Variants in C4orf51 observed in about 807,000 individuals in gnomAD.
C4orf51 encodes chromosome 4 open reading frame 51.
In C4orf51, 25 loss-of-function variants were observed where a neutral mutation model predicts 25.2. The ratio of observed to expected loss-of-function variants is 0.99; its 90% CI spans 0.72 to 1.39. The LOEUF is 1.39. C4orf51 is among the 40% of genes most tolerant of loss of function. C4orf51 has a pLI of 0.00. For missense variants in C4orf51, 252 were observed against 239.6 expected (o/e 1.05, Z -0.34); for synonymous variants, 100 against 84.5 (o/e 1.18, Z -1.01).
At chr4:145,703,317 C>G (rs1020861515) in intron 2 of C4orf51, among the ~76,000 whole-genome samples, 2 of 152,046 alleles carry the variant, frequency 1.3e-5, no homozygotes, top group Non-Finnish European at 1.5e-5. Context: ...CCACTCCTGC[C>G]CGCCAGAGAA....
At chr4:145,770,935 C>T (rs1736190505) in intron 1 of C4orf51, 1 of 152,192 alleles carries the variant, frequency 6.6e-6, no homozygotes, top group Non-Finnish European at 1.5e-5. Context: ...TGAGTACCAG[C>T]ATCATCCCAG....
intron 2 of C4orf51, among the ~76,000 whole-genome samples, chr4:145,707,652 G>A (rs558421454): frequency 6.6e-6 from 1 of 152,292 alleles, no homozygotes; most frequent in South Asian, 2.1e-4. Context: ...AAGAGGTGTT[G>A]GGTATTTAGA....
rs773646266 is a variant in C4orf51 at position 145,680,305 on chromosome 4, G to A, written c.102G>A (p.Trp34Ter). 3 of 1,613,944 alleles carry A rather than the reference G, an allele frequency of 1.9e-6. No homozygotes were observed. The Admixed American group carries it at 5.0e-5, about 27-fold the overall frequency. Reference sequence around the variant, plus strand: ...TCAGACGCAAGGCTGGAGCATCTTGGCAGGATGAAACACGATGGTCAGATT... The same window carrying A: ...TCAGACGCAAGGCTGGAGCATCTTGACAGGATGAAACACGATGGTCAGATT... ...DLIRRKAGASWQDETRWSDSS... is the reference protein window; with the variant it reads ...DLIRRKAGAS The change falls in exon 1 of 6, where the codon TGG becomes TGA. Residue 34 changes from tryptophan (W) to a stop codon, truncating the protein, a stop_gained. Transcript: ENST00000438731. LOFTEE classifies it high-confidence loss of function.
chr4:145,772,021 T>G (rs1471805060), downstream of C4orf51, among the ~76,000 whole-genome samples: 2 of 152,180 alleles, frequency 1.3e-5, no homozygotes, highest in African/African-American at 4.8e-5. Context: ...TATGGTACCA[T>G]AGGGTCTAGA....
intron 1 of C4orf51, among the ~76,000 whole-genome samples, chr4:145,744,636 A>G (rs1280619403): frequency 6.6e-6 from 1 of 152,122 alleles, no homozygotes; most frequent in Non-Finnish European, 1.5e-5. Flanking sequence ...CCTGGCTAAC[A>G]CGGTAAAACC....
At chr4:145,697,047 A>C (rs1295642742) in intron 2 of C4orf51, among the ~76,000 whole-genome samples, 1 of 149,936 alleles carries the variant, frequency 6.7e-6, no homozygotes, top group Non-Finnish European at 1.5e-5. Context: ...AAACAAAACA[A>C]AACCAACCAA....
intron 4 of C4orf51, among the ~76,000 whole-genome samples, 167 bp downstream of exon 4, chr4:145,729,396 C>G (rs144885937): frequency 1.4e-4 from 20 of 147,986 alleles, no homozygotes; most frequent in African/African-American, 3.7e-4. Flanking sequence ...CTGCCTCCCA[C>G]GTTCACGCCA....
downstream of C4orf51, among the ~76,000 whole-genome samples, chr4:145,771,455 T>C (rs1366146211): frequency 6.6e-6 from 1 of 152,246 alleles, no homozygotes. Context: ...GATAGTTGTA[T>C]TTTCCAAATA....
chr4:145,741,360 T>C lies in C4orf51; in HGVS notation n.167+8741T>C, dbSNP rs189839686. Among the ~76,000 whole-genome samples, 35 of 152,354 alleles carry C rather than the reference T, an allele frequency of 2.3e-4. 1 individual carries two copies. The East Asian group carries it at 6.0e-3, about 26-fold the overall frequency. ...GACCTTTTTTTATTTTAAAACTTTT[T>C]TGGACTCTTTGTATTTAGGAGACGA... On this transcript the variant is annotated intron_variant and non_coding_transcript_variant, in intron 1 of 1. Coordinates refer to the C4orf51 transcript ENST00000508981.
chr4:145,687,045 T>C (rs1474025400), intron 1 of C4orf51, among the ~76,000 whole-genome samples: 3 of 150,942 alleles, frequency 2.0e-5, no homozygotes, highest in African/African-American at 4.9e-5. Context: ...GAAAAATAAA[T>C]CTTGGGGCCC....
intron 1 of C4orf51, among the ~76,000 whole-genome samples, chr4:145,753,581 G>A (rs1001191538): frequency 3.9e-5 from 6 of 152,114 alleles, no homozygotes; most frequent in African/African-American, 1.4e-4. Context: ...ATATTCCTGG[G>A]GGAGTTATAT....
At chr4:145,728,110 A>G (rs1260800230) in intron 3 of C4orf51, among the ~76,000 whole-genome samples, 1 of 148,046 alleles carries the variant, frequency 6.8e-6, no homozygotes, top group Non-Finnish European at 1.5e-5. Context: ...ATTTATAACT[A>G]CTGTAACCAA....
At chr4:145,753,654 C>T (rs1733799562) in intron 1 of C4orf51, among the ~76,000 whole-genome samples, 1 of 152,118 alleles carries the variant, frequency 6.6e-6, no homozygotes, top group Non-Finnish European at 1.5e-5. Context: ...GGCTCACAAC[C>T]CCTTTCATGG....
At chr4:145,753,413 G>T (rs913393295) in intron 1 of C4orf51, among the ~76,000 whole-genome samples, 2 of 151,572 alleles carry the variant, frequency 1.3e-5, no homozygotes, top group African/African-American at 4.9e-5. Context: ...TATCCATGTG[G>T]CCATCCTATC....
At chr4:145,687,011 C>CG (rs1491051608) in intron 1 of C4orf51, among the ~76,000 whole-genome samples, 4 of 98,386 alleles carry the variant, frequency 4.1e-5, no homozygotes, top group Admixed American at 2.0e-4. Context: ...GTGGGGGGGG[C>CG]GGTTTCCTTC....
chr4:145,738,185 C>G (rs1452753606), intron 1 of C4orf51, among the ~76,000 whole-genome samples: 1 of 152,164 alleles, frequency 6.6e-6, no homozygotes, highest in Non-Finnish European at 1.5e-5. Context: ...CTCAGTGGCT[C>G]ACGCCTGTAA....
intron 1 of C4orf51, among the ~76,000 whole-genome samples, chr4:145,685,822 G>A (rs1002345625): frequency 2.6e-5 from 4 of 152,038 alleles, no homozygotes; most frequent in African/African-American, 9.7e-5. Context: ...ACAAGTGTTA[G>A]TAAGCTGGAA....
chr4:145,694,756 T>G (rs1729944994), intron 1 of C4orf51, among the ~76,000 whole-genome samples: 1 of 151,394 alleles, frequency 6.6e-6, no homozygotes, highest in Non-Finnish European at 1.5e-5. Context: ...GGCCAAGTTT[T>G]TAGTTTTTTC....
downstream of C4orf51, among the ~76,000 whole-genome samples, chr4:145,756,247 TG>T (rs2126819432): frequency 6.6e-6 from 1 of 152,356 alleles, no homozygotes; most frequent in African/African-American, 2.4e-5. Context: ...GGTTCATTGG[TG>T]GCCCCCAAAC....
Sources: gnomAD v4.1 joint callset for allele counts (sites outside exome capture counted in the v4.1 genomes callset) on GRCh38, gnomAD v4.1.1 for gene constraint, MANE v1.5 for transcripts, NCBI Gene and HGNC (gene_info 2026-07-23, HGNC 2026-07-21) for gene names.